Variants in CSMD1 observed in about 807,000 individuals in gnomAD.
CSMD1 encodes CUB and sushi domain-containing protein 1.
A neutral mutation model predicts 417.5 loss-of-function variants in CSMD1; 213 were observed. That is an observed-to-expected ratio of 0.51 (90% confidence interval 0.46 to 0.57). The LOEUF (loss-of-function observed/expected upper bound fraction) is 0.57, where lower values mean the gene tolerates loss of function less well. Among genes scored for constraint, CSMD1 ranks in the 20% least tolerant of loss-of-function variants. The pLI, the probability that CSMD1 is intolerant of heterozygous loss-of-function variation, is 0.00. For synonymous variants in CSMD1, 2,862 were observed against 1,736.8 expected (o/e 1.65, Z -16.11); for missense variants, 6,923 against 4,529.7 (o/e 1.53, Z -15.17).
chr8:3,535,131 T>G (rs548491984), intron 10 of CSMD1, among the ~76,000 whole-genome samples: 29 of 151,928 alleles, frequency 1.9e-4, no homozygotes, highest in African/African-American at 7.0e-4. Flanking sequence ...TTTTTTTAAT[T>G]TATATAGAGA....
intron 5 of CSMD1, among the ~76,000 whole-genome samples, chr8:3,946,727 T>C (rs1320450225): frequency 1.3e-5 from 2 of 152,174 alleles, no homozygotes; most frequent in African/African-American, 4.8e-5. Context: ...TTTTGTTAGG[T>C]CTTTAGTAAT....
At chr8:4,715,211 T>C (rs182435453) in intron 1 of CSMD1, among the ~76,000 whole-genome samples, 1 of 152,224 alleles carries the variant, frequency 6.6e-6, no homozygotes, top group African/African-American at 2.4e-5. Flanking sequence ...ATATGAAGAA[T>C]GTCTGAGTGT....
intron 23 of CSMD1, among the ~76,000 whole-genome samples, chr8:3,340,034 A>G (rs930205170): frequency 6.6e-6 from 1 of 152,238 alleles, no homozygotes; most frequent in African/African-American, 2.4e-5. Flanking sequence ...TGGCCCAAAG[A>G]TACTCTGGTT....
intron 25 of CSMD1, among the ~76,000 whole-genome samples, chr8:3,290,422 T>C (rs1047580212): frequency 6.8e-6 from 1 of 146,544 alleles, no homozygotes; most frequent in Non-Finnish European, 1.5e-5. Flanking sequence ...TTGGGCGGTA[T>C]GGCCATTTTC....
chr8:3,717,903 T>C (rs143255293), intron 6 of CSMD1, among the ~76,000 whole-genome samples: 6 of 152,252 alleles, frequency 3.9e-5, no homozygotes, highest in Non-Finnish European at 7.4e-5. Context: ...CAAGAATAAT[T>C]TGCTAGAACT....
intron 2 of CSMD1, among the ~76,000 whole-genome samples, chr8:4,627,189 C>G (rs1319439673): frequency 6.6e-6 from 1 of 152,092 alleles, no homozygotes; most frequent in Non-Finnish European, 1.5e-5. Flanking sequence ...TTTAGCTACT[C>G]TTAGAGGTTG....
At chr8:4,868,864 T>C (rs902570202) in intron 1 of CSMD1, among the ~76,000 whole-genome samples, 2 of 151,950 alleles carry the variant, frequency 1.3e-5, no homozygotes, top group Non-Finnish European at 2.9e-5. Flanking sequence ...TTTCAGATGA[T>C]TTTTGAGAGG....
At chr8:4,182,699 T>C (rs1161438547) in intron 3 of CSMD1, among the ~76,000 whole-genome samples, 6 of 152,134 alleles carry the variant, frequency 3.9e-5, no homozygotes, top group African/African-American at 9.7e-5. Context: ...AATTTGAAGC[T>C]TTAAGTTAGA....
At chr8:4,406,826 C>G (rs971747250) in intron 3 of CSMD1, among the ~76,000 whole-genome samples, 1 of 152,200 alleles carries the variant, frequency 6.6e-6, no homozygotes, top group African/African-American at 2.4e-5. Flanking sequence ...GTTGTCTTGT[C>G]AGTTACAGCA....
At chr8:3,753,437 C>A (rs1315104386) in intron 6 of CSMD1, among the ~76,000 whole-genome samples, 1 of 152,146 alleles carries the variant, frequency 6.6e-6, no homozygotes, top group South Asian at 2.1e-4. Flanking sequence ...CCCCATTTTG[C>A]TCAGCTGCAG....
intron 49 of CSMD1, among the ~76,000 whole-genome samples, chr8:3,080,591 T>C (rs1224670664): frequency 6.6e-6 from 1 of 152,186 alleles, no homozygotes; most frequent in Non-Finnish European, 1.5e-5. Flanking sequence ...CTTGGGAAGA[T>C]CTCTGTCCGG....
At chr8:4,771,975 T>G (rs1796622036) in intron 1 of CSMD1, among the ~76,000 whole-genome samples, 1 of 152,156 alleles carries the variant, frequency 6.6e-6, no homozygotes, top group South Asian at 2.1e-4. Context: ...ATCACAAACA[T>G]TCTGGCTTCA....
intron 4 of CSMD1, among the ~76,000 whole-genome samples, chr8:4,002,211 G>C (rs1403948822): frequency 6.6e-6 from 1 of 151,374 alleles, no homozygotes; most frequent in Non-Finnish European, 1.5e-5. Flanking sequence ...GTGAGTGTGT[G>C]TGTGTGAGTG....
intron 4 of CSMD1, among the ~76,000 whole-genome samples, chr8:4,021,392 G>A (rs1000241809): frequency 6.6e-5 from 10 of 152,144 alleles, no homozygotes; most frequent in Middle Eastern, 3.2e-3. Flanking sequence ...TTCATCTGTG[G>A]CTCACATTAT....
intron 7 of CSMD1, among the ~76,000 whole-genome samples, chr8:3,699,292 C>T (rs1466577410): frequency 6.6e-6 from 1 of 152,196 alleles, no homozygotes; most frequent in Non-Finnish European, 1.5e-5. Context: ...CATAATTTTC[C>T]TGTTTCCTTC....
intron 17 of CSMD1, among the ~76,000 whole-genome samples, chr8:3,395,582 A>G (rs1350149740): frequency 6.6e-6 from 1 of 152,228 alleles, no homozygotes; most frequent in Non-Finnish European, 1.5e-5. Context: ...TGTTTGCAAA[A>G]TACATTCCAT....
chr8:4,869,111 A>G (rs1051298763), intron 1 of CSMD1, among the ~76,000 whole-genome samples: 2 of 152,076 alleles, frequency 1.3e-5, no homozygotes, highest in Non-Finnish European at 2.9e-5. Flanking sequence ...TATTATTTTT[A>G]AATAAATTTA....
chr8:3,168,016 T>C (rs1256744121), intron 37 of CSMD1, among the ~76,000 whole-genome samples: 1 of 150,970 alleles, frequency 6.6e-6, no homozygotes, highest in East Asian at 1.9e-4. Flanking sequence ...CAACTGTGCA[T>C]GACTGGCAGA....
chr8:4,392,381 T>G (rs1803904828), intron 3 of CSMD1, among the ~76,000 whole-genome samples: 1 of 152,058 alleles, frequency 6.6e-6, no homozygotes, highest in African/African-American at 2.4e-5. Context: ...AAATAGAGAT[T>G]AAAATCAGAG....
Sources: gnomAD v4.1 joint callset for allele counts (sites outside exome capture counted in the v4.1 genomes callset) on GRCh38, gnomAD v4.1.1 for gene constraint, MANE v1.5 for transcripts, NCBI Gene and HGNC (gene_info 2026-07-23, HGNC 2026-07-21) for gene names.